CCDC85A: variants seen among roughly 807,000 people sequenced by gnomAD.
CCDC85A encodes the protein coiled-coil domain containing 85A.
In CCDC85A, 38 loss-of-function variants were observed where a neutral mutation model predicts 50.2. The ratio of observed to expected loss-of-function variants is 0.76; its 90% confidence interval spans 0.58 to 0.99. CCDC85A has a LOEUF of 0.99. Ranked by LOEUF, CCDC85A falls within the 50% of genes least tolerant of loss-of-function variation. The probability of loss-of-function intolerance (pLI) is 0.00; values close to 1 mark genes in which losing one functional copy is unlikely to be tolerated. For synonymous variants in CCDC85A, 366 were observed against 301.4 expected (o/e 1.21, Z -2.22); for missense variants, 820 against 742.0 (o/e 1.11, Z -1.22).
intron 2 of CCDC85A, among the ~76,000 whole-genome samples, 168 bp downstream of exon 2, chr2:56,193,608 T>G (rs1676411646): frequency 6.6e-6 from 1 of 152,150 alleles, no homozygotes; most frequent in East Asian, 1.9e-4. Flanking sequence ...GTTCTTCTCC[T>G]CCATCTGTTT....
intron 2 of CCDC85A, among the ~76,000 whole-genome samples, chr2:56,333,429 T>C (rs1489627543): frequency 6.6e-6 from 1 of 152,126 alleles, no homozygotes; most frequent in Non-Finnish European, 1.5e-5. Flanking sequence ...GCAGAGTGAA[T>C]GAGGGCATGA....
At chr2:56,195,019 G>A (rs909137842) in intron 2 of CCDC85A, among the ~76,000 whole-genome samples, 1 of 152,194 alleles carries the variant, frequency 6.6e-6, no homozygotes, top group South Asian at 2.1e-4. Context: ...TAATGGGAAG[G>A]TAAAGTTAAT....
chr2:56,255,113 G>T (rs1219245274), intron 2 of CCDC85A, among the ~76,000 whole-genome samples: 1 of 152,144 alleles, frequency 6.6e-6, no homozygotes, highest in Non-Finnish European at 1.5e-5. Flanking sequence ...GCTCTTCTCT[G>T]TTCCCACCTG....
chr2:56,298,568 A>G (rs1440508204), intron 2 of CCDC85A, among the ~76,000 whole-genome samples: 9 of 152,198 alleles, frequency 5.9e-5, no homozygotes, highest in Admixed American at 5.2e-4. Context: ...GGTATCATGC[A>G]TTTCCTGAGG....
At chr2:56,278,621 T>A (rs1331411354) in intron 2 of CCDC85A, among the ~76,000 whole-genome samples, 1 of 152,132 alleles carries the variant, frequency 6.6e-6, no homozygotes, top group Non-Finnish European at 1.5e-5. Flanking sequence ...TTGCCCAGGC[T>A]GGAATGCAGT....
chr2:56,201,073 TCTC>T (rs1676715595), intron 2 of CCDC85A, among the ~76,000 whole-genome samples: 1 of 109,150 alleles, frequency 9.2e-6, no homozygotes, highest in Non-Finnish European at 1.9e-5. Context: ...ATTTCATCTC[TCTC>T]CACACACACA....
chr2:56,369,857 A>G (rs775252969), intron 3 of CCDC85A, among the ~76,000 whole-genome samples: 1 of 152,082 alleles, frequency 6.6e-6, no homozygotes, highest in Non-Finnish European at 1.5e-5. Context: ...CTACACTATT[A>G]CCTCTATAGA....
chr2:56,303,873 A>G (rs1672316478), intron 2 of CCDC85A, among the ~76,000 whole-genome samples: 1 of 152,084 alleles, frequency 6.6e-6, no homozygotes, highest in South Asian at 2.1e-4. Flanking sequence ...GTGTCTCCTA[A>G]TGGAGATTGG....
chr2:56,213,826 A>G (rs995821501), intron 2 of CCDC85A, among the ~76,000 whole-genome samples: 3 of 151,972 alleles, frequency 2.0e-5, no homozygotes, highest in Non-Finnish European at 4.4e-5. Flanking sequence ...AATAACTGAA[A>G]ATAGAACAAC....
At chr2:56,276,459 G>C (rs1398419070) in intron 2 of CCDC85A, among the ~76,000 whole-genome samples, 1 of 152,072 alleles carries the variant, frequency 6.6e-6, no homozygotes, top group Non-Finnish European at 1.5e-5. Context: ...CTGGTGGGAG[G>C]TGATTGAATT....
intron 2 of CCDC85A, among the ~76,000 whole-genome samples, chr2:56,260,755 G>A (rs77116176): frequency 0.088 from 13,457 of 152,202 alleles, 778 homozygotes; most frequent in South Asian, 0.12. Flanking sequence ...CCTTGTTCAG[G>A]TTATTACTTT....
chr2:56,329,943 C>CTTTTTTTTTTTTTTTTTTTTTTTTTTTT (rs1336192523), intron 2 of CCDC85A, among the ~76,000 whole-genome samples: 5 of 22,874 alleles, frequency 2.2e-4, no homozygotes, highest in African/African-American at 4.2e-4. Context: ...TACAGATTTC[C>CTTTTTTTTTTTTTTTTTTTTTTTTTTTT]TGTTTTTTTT....
intron 2 of CCDC85A, among the ~76,000 whole-genome samples, chr2:56,319,985 C>A (rs938189826): frequency 9.9e-5 from 15 of 152,282 alleles, no homozygotes; most frequent in African/African-American, 3.4e-4. Context: ...TTAAGAAACT[C>A]GCTCAAAACC....
chr2:56,229,851 C>T (rs527526748), intron 2 of CCDC85A, among the ~76,000 whole-genome samples: 4 of 152,174 alleles, frequency 2.6e-5, no homozygotes, highest in Admixed American at 1.3e-4. Context: ...TCAGCTCCAA[C>T]AAATCGGTTT....
chr2:56,281,318 TTA>T lies in CCDC85A; in HGVS notation c.1241-61556_1241-61555del, dbSNP rs201679478. Reference sequence around the variant, plus strand: ...TCTATTCAAATGTGTACCAATTTGTTTATATACGGTTTTGTTGATGGGACTTG... The same window carrying T: ...TCTATTCAAATGTGTACCAATTTGTTTATACGGTTTTGTTGATGGGACTTG... On this transcript the variant is annotated intron_variant, in intron 2 of 5. Coordinates refer to ENST00000407595, the MANE Select transcript of CCDC85A (RefSeq NM_001080433.2). Among the ~76,000 whole-genome samples the T allele has an allele frequency of 5.8e-3, 879 of 152,324 alleles. 10 individuals are homozygous for T. The highest frequency in any genetic ancestry group is 0.02 in the African/African-American group (832 of 41,576).
chr2:56,372,339 ATAAG>A lies in CCDC85A; in HGVS notation c.1318-4_1318-1del, dbSNP rs1676115086. On this transcript the variant is annotated splice_acceptor_variant and splice_polypyrimidine_tract_variant and intron_variant, in intron 3 of 5. Transcript: ENST00000407595. LOFTEE classifies it high-confidence loss of function. Reference sequence around the variant, plus strand: ...GTGATTGTACCATATTGTTCCAAATATAAGGCCAGCCAGAATAGAAGGCAACCTC... The same window carrying A: ...GTGATTGTACCATATTGTTCCAAATAGCCAGCCAGAATAGAAGGCAACCTC... 6.4e-7 allele frequency: 1 copy of A among 1,565,628 alleles called. No homozygotes were observed. The highest frequency in any genetic ancestry group is 8.7e-7 in the Non-Finnish European group (1 of 1,154,828).
chr2:56,295,587 G>A (rs555093279), intron 2 of CCDC85A, among the ~76,000 whole-genome samples: 6 of 152,258 alleles, frequency 3.9e-5, no homozygotes, highest in South Asian at 2.1e-4. Context: ...TGGGGTGTGC[G>A]TGGCAAGTGC....
rs1380231393 is a variant in CCDC85A at position 56,184,451 on chromosome 2, G to A, written c.-174G>A. 1.5e-6 allele frequency: 1 copy of A among 677,524 alleles called. No individual in the cohort carries two copies. Among genetic ancestry groups the A allele is most frequent in the Middle Eastern group, 5.0e-4 (1 of 2,010 alleles). 42.0% of individuals were successfully genotyped at this position (677,524 alleles called of 1,614,324 possible). A position where few individuals can be genotyped will look rare whatever the true frequency, so the allele number is the denominator to read the frequency against. ...GCGGGCGCGCGCGCGGGGATGGCGA[G>A]GTAGGATGGCCACCCAGCGCGACCC... On this transcript the variant is annotated 5_prime_UTR_variant, in exon 1 of 6. Transcript: ENST00000407595.
At chr2:56,377,523 C>T (rs936607631) in intron 5 of CCDC85A, among the ~76,000 whole-genome samples, 6 of 152,128 alleles carry the variant, frequency 3.9e-5, no homozygotes, top group Admixed American at 3.9e-4. Flanking sequence ...GTGAGTCACA[C>T]TGAAATATTT....
Sources: gnomAD v4.1 joint callset for allele counts (sites outside exome capture counted in the v4.1 genomes callset) on GRCh38, gnomAD v4.1.1 for gene constraint, MANE v1.5 for transcripts, NCBI Gene and HGNC (gene_info 2026-07-23, HGNC 2026-07-21) for gene names.